FER: variants seen among roughly 807,000 people sequenced by gnomAD.
The protein encoded by FER is FER tyrosine kinase.
FER carries 63 observed loss-of-function variants against 111.0 expected under a neutral mutation model. The observed-to-expected ratio is 0.57, with a 90% CI of 0.46 to 0.70. The LOEUF is 0.70. FER is among the 30% of genes least tolerant of loss of function. The pLI, the probability that FER is intolerant of heterozygous loss-of-function variation, is 0.00. For synonymous variants in FER, 327 were observed against 313.9 expected (o/e 1.04, Z -0.44); for missense variants, 914 against 954.0 (o/e 0.96, Z 0.55).
intron 1 of FER, among the ~76,000 whole-genome samples, chr5:108,749,528 C>G (rs571611223): frequency 6.6e-6 from 1 of 152,112 alleles, no homozygotes. Flanking sequence ...CCTGGTATTC[C>G]CCCCATCCCT....
chr5:109,008,207 A>G (rs1410821997), intron 13 of FER, among the ~76,000 whole-genome samples: 3 of 152,216 alleles, frequency 2.0e-5, no homozygotes, highest in Non-Finnish European at 2.9e-5. Flanking sequence ...CATAAAATTG[A>G]CAAAAATCAT....
Position 109,146,253 on chromosome 5 carries a change from AATATATATAT to A in FER, c.2049-34465_2049-34456del, listed in dbSNP as rs6149172. Among the ~76,000 whole-genome samples, 55 of 42,128 alleles carry A rather than the reference AATATATATAT, an allele frequency of 1.3e-3. 2 individuals are homozygous for A. Among genetic ancestry groups the A allele is most frequent in the Admixed American group, 4.2e-3 (16 of 3,826 alleles). The allele number at this position is 42,128 out of a possible 152,430, so 27.6% of individuals were successfully genotyped here. On this transcript the variant is annotated intron_variant, in intron 17 of 19. Coordinates refer to ENST00000281092, the MANE Select transcript of FER (RefSeq NM_005246.4). ...TATCTAATATATATATAATCTATCT[AATATATATAT>A]ATATATATATATATATATATATATA...
chr5:108,886,265 C>T (rs1276245883), intron 9 of FER, among the ~76,000 whole-genome samples: 3 of 151,558 alleles, frequency 2.0e-5, no homozygotes, highest in South Asian at 4.2e-4. Context: ...ATCCATGTTC[C>T]TCTACCTGTT....
intron 5 of FER, among the ~76,000 whole-genome samples, chr5:108,852,476 T>C (rs1474515168): frequency 6.6e-6 from 1 of 152,196 alleles, no homozygotes; most frequent in Non-Finnish European, 1.5e-5. Context: ...AGCCTTCTTA[T>C]TCAATATCTG....
At chr5:109,034,303 T>G (rs1309040972) in intron 13 of FER, among the ~76,000 whole-genome samples, 1 of 152,214 alleles carries the variant, frequency 6.6e-6, no homozygotes, top group Non-Finnish European at 1.5e-5. Flanking sequence ...GTGAGCCGGT[T>G]TGGTCTGCAG....
chr5:108,872,006 AAAC>A, intron 7 of FER, 84 bp from the exon 8 acceptor site: 2 of 1,317,610 alleles, frequency 1.5e-6, no homozygotes, highest in East Asian at 2.7e-5. Flanking sequence ...TTTTGGATAA[AAAC>A]AAATATTCTG....
chr5:109,004,483 A>G (rs1765241504), intron 13 of FER, among the ~76,000 whole-genome samples: 1 of 152,234 alleles, frequency 6.6e-6, no homozygotes. Flanking sequence ...GTCCACAACA[A>G]GGAGCTGTAA....
chr5:109,073,068 G>T (rs1775948792), intron 16 of FER, among the ~76,000 whole-genome samples: 1 of 152,046 alleles, frequency 6.6e-6, no homozygotes, highest in African/African-American at 2.4e-5. Flanking sequence ...ATCACATAAT[G>T]AGTAATTACA....
At chr5:109,065,689 G>T (rs1775008479) in intron 16 of FER, among the ~76,000 whole-genome samples, 1 of 152,150 alleles carries the variant, frequency 6.6e-6, no homozygotes, top group Non-Finnish European at 1.5e-5. Context: ...ATTATATTAA[G>T]CATTGTATAG....
At chr5:108,942,626 GCTAT>G (rs1032994208) in intron 10 of FER, among the ~76,000 whole-genome samples, 4 of 152,208 alleles carry the variant, frequency 2.6e-5, no homozygotes, top group South Asian at 2.1e-4. Flanking sequence ...GGGAATAGAA[GCTAT>G]CTATCTTTCA....
intron 2 of FER, among the ~76,000 whole-genome samples, chr5:108,769,000 T>C (rs1458845052): frequency 6.6e-6 from 1 of 152,036 alleles, no homozygotes; most frequent in South Asian, 2.1e-4. Context: ...AATTTTTGTA[T>C]TTTTTTAGAA....
Position 109,187,735 on chromosome 5 carries a change from A to G in FER, c.*160A>G. 1.1e-6 allele frequency: 1 copy of G among 903,756 alleles called. No homozygotes were observed. The highest frequency in any genetic ancestry group is 1.7e-5 in the South Asian group (1 of 57,722). The allele number at this position is 903,756 out of a possible 1,614,324, so 56.0% of individuals were successfully genotyped here. On this transcript the variant is annotated 3_prime_UTR_variant, in exon 20 of 20. Coordinates refer to ENST00000281092, the MANE Select transcript of FER (RefSeq NM_005246.4). ...TTTAAAAGTACGTTCCACTTGTAAA[A>G]AGTCAAAGGCAAATTTGTTAAAGAA...
chr5:109,049,624 A>G (rs1772470106), intron 16 of FER, among the ~76,000 whole-genome samples: 1 of 152,182 alleles, frequency 6.6e-6, no homozygotes, highest in South Asian at 2.1e-4. Context: ...TCTCCAGAAC[A>G]CATGATCTGA....
intron 3 of FER, chr5:108,820,394 G>A (rs1350323626): frequency 2.0e-6 from 2 of 985,390 alleles, no homozygotes; most frequent in Non-Finnish European, 2.4e-6. Flanking sequence ...AAGAATAAAG[G>A]TGACTATGGC....
intron 16 of FER, among the ~76,000 whole-genome samples, chr5:109,075,051 A>G (rs980826011): frequency 3.3e-5 from 5 of 152,304 alleles, no homozygotes; most frequent in African/African-American, 7.2e-5. Context: ...TTAAGCATCA[A>G]AATTCTGTGT....
intron 10 of FER, among the ~76,000 whole-genome samples, chr5:108,925,328 A>G (rs1388800900): frequency 6.6e-6 from 1 of 152,102 alleles, no homozygotes; most frequent in Non-Finnish European, 1.5e-5. Context: ...GGTGACCATA[A>G]CTGGTAAAGC....
intron 16 of FER, among the ~76,000 whole-genome samples, chr5:109,096,567 T>C (rs973895687): frequency 3.9e-5 from 6 of 151,974 alleles, no homozygotes; most frequent in Non-Finnish European, 7.4e-5. Context: ...TGTGATGTCA[T>C]GTTTATGTCT....
chr5:108,786,964 C>T (rs535222640), intron 2 of FER, among the ~76,000 whole-genome samples: 2 of 152,096 alleles, frequency 1.3e-5, no homozygotes, highest in African/African-American at 2.4e-5. Flanking sequence ...GCTGTGGAGA[C>T]GCCAGCTGTG....
chr5:108,879,697 A>ATATAT (rs1554084588), intron 8 of FER, among the ~76,000 whole-genome samples: 24 of 96,036 alleles, frequency 2.5e-4, no homozygotes, highest in African/African-American at 1.5e-3. Context: ...TTAGATTAAA[A>ATATAT]AAAAATATAT....
Sources: gnomAD v4.1 joint callset for allele counts (sites outside exome capture counted in the v4.1 genomes callset) on GRCh38, gnomAD v4.1.1 for gene constraint, MANE v1.5 for transcripts, NCBI Gene and HGNC (gene_info 2026-07-23, HGNC 2026-07-21) for gene names.